Variants in CCSER2 observed in about 807,000 individuals in gnomAD.
CCSER2 encodes serine-rich coiled-coil domain-containing protein 2.
CCSER2 carries 46 observed loss-of-function variants against 92.3 expected under a neutral mutation model. The ratio of observed to expected loss-of-function variants is 0.50; its 90% CI spans 0.39 to 0.64. The LOEUF (loss-of-function observed/expected upper bound fraction) is 0.64. Ranked by LOEUF, CCSER2 falls within the 30% of genes least tolerant of loss-of-function variation. The pLI is 0.00. For synonymous variants in CCSER2, 433 were observed against 431.4 expected, an observed-to-expected ratio of 1.00 and a Z score of -0.04; for missense variants, 1,244 against 1,238.9, an observed-to-expected ratio of 1.00 and a Z score of -0.06.
intron 6 of CCSER2, among the ~76,000 whole-genome samples, chr10:84,461,531 T>C (rs909790850): frequency 6.6e-6 from 1 of 152,172 alleles, no homozygotes; most frequent in Non-Finnish European, 1.5e-5. Context: ...TAATTTTTGT[T>C]GATCACTCTT....
At chr10:84,372,529 A>G (rs540535048) in intron 2 of CCSER2, 60 bp downstream of exon 2, 17 of 956,054 alleles carry the variant, frequency 1.8e-5, no homozygotes, top group African/African-American at 1.6e-4. Flanking sequence ...CTGAACTTAC[A>G]TTTAGGATTA....
At chr10:84,444,632 A>T (rs988838612) in intron 6 of CCSER2, among the ~76,000 whole-genome samples, 3 of 152,144 alleles carry the variant, frequency 2.0e-5, no homozygotes, top group Non-Finnish European at 4.4e-5. Context: ...GGGAGAAGAG[A>T]GTGTGAAGGA....
In CCSER2 at chr10:84,417,847, C is replaced by T. The variant is rs201743744; in HGVS notation, c.1691C>T (p.Ala564Val). Residue 564 changes from alanine (A) to valine (V), a missense_variant, in exon 4 of 10, where the codon GCA becomes GTA. By Grantham distance (64) the Ala-to-Val change is moderately conservative. Coordinates refer to ENST00000372088, the MANE Select transcript of CCSER2 (RefSeq NM_001284240.2). ...LMLDVDLPED[A>V]PLENVECDNM... is the part of the protein sequence containing the mutation. Reference sequence around the variant, plus strand: ...CTTGATGTGGATCTGCCTGAGGATGCACCTCTTGAAAATGGTAAGTTGAGA... The same window carrying T: ...CTTGATGTGGATCTGCCTGAGGATGTACCTCTTGAAAATGGTAAGTTGAGA... 1.9e-6 allele frequency: 3 copies of T among 1,560,732 alleles called. No homozygotes were observed. The highest frequency in any genetic ancestry group is 3.3e-5 in the Admixed American group (2 of 59,964).
intron 7 of CCSER2, among the ~76,000 whole-genome samples, chr10:84,465,067 T>C (rs1216500660): frequency 6.6e-6 from 1 of 152,064 alleles, no homozygotes; most frequent in African/African-American, 2.4e-5. Context: ...TGAGCTTTCA[T>C]CCTACTCTCA....
At chr10:84,397,323 A>G (rs905628685) in intron 3 of CCSER2, among the ~76,000 whole-genome samples, 3 of 152,194 alleles carry the variant, frequency 2.0e-5, no homozygotes, top group African/African-American at 7.2e-5. Context: ...AAACAGAACA[A>G]AAAGAAAAGC....
intron 1 of CCSER2, among the ~76,000 whole-genome samples, chr10:84,366,088 C>G (rs565784825): frequency 4.1e-4 from 63 of 152,122 alleles, no homozygotes; most frequent in Non-Finnish European, 6.5e-4. Flanking sequence ...CCTCAGCATC[C>G]TTTTTGTTTT....
chr10:84,416,706 A>T (rs942621005), intron 3 of CCSER2, among the ~76,000 whole-genome samples: 1 of 152,138 alleles, frequency 6.6e-6, no homozygotes, highest in African/African-American at 2.4e-5. Context: ...AGGCAGGCAG[A>T]TCATGAGGTC....
At chr10:84,328,861 G>C (rs912230445) in intron 1 of CCSER2, 53 bp downstream of exon 1, 1 of 152,196 alleles carries the variant, frequency 6.6e-6, no homozygotes, top group African/African-American at 2.4e-5. Context: ...GCGGGCGCCG[G>C]GGGCAGCCCA....
chr10:84,367,571 G>A (rs576384406), intron 1 of CCSER2, among the ~76,000 whole-genome samples: 1 of 151,802 alleles, frequency 6.6e-6, no homozygotes, highest in South Asian at 2.1e-4. Flanking sequence ...TAGAGATGAG[G>A]TTTTGCCATG....
chr10:84,377,455 G>C (rs1846399105), intron 3 of CCSER2, among the ~76,000 whole-genome samples: 1 of 152,150 alleles, frequency 6.6e-6, no homozygotes, highest in Admixed American at 6.5e-5. Flanking sequence ...TCATAAATCA[G>C]TGACTGCATA....
chr10:84,436,677 GC>G (rs1844177782), intron 5 of CCSER2, among the ~76,000 whole-genome samples: 1 of 151,896 alleles, frequency 6.6e-6, no homozygotes, highest in South Asian at 2.1e-4. Flanking sequence ...ACTGCGGGAG[GC>G]AGGTGTGTTG....
At chr10:84,392,071 A>C (rs1414718181) in intron 3 of CCSER2, 7 of 928,126 alleles carry the variant, frequency 7.5e-6, no homozygotes, top group Non-Finnish European at 1.2e-5. Context: ...TGCAGTCCCA[A>C]AATTAGGGGT....
intron 7 of CCSER2, among the ~76,000 whole-genome samples, chr10:84,465,779 C>T (rs1298834548): frequency 6.6e-6 from 1 of 151,076 alleles, no homozygotes; most frequent in Non-Finnish European, 1.5e-5. Context: ...GAGATGGAGT[C>T]TTGCTCTGTT....
At chr10:84,373,211 A>G (rs1846160714) in intron 2 of CCSER2, among the ~76,000 whole-genome samples, 1 of 152,116 alleles carries the variant, frequency 6.6e-6, no homozygotes, top group South Asian at 2.1e-4. Flanking sequence ...CTGCCGGAAC[A>G]AGTTTATTTC....
At chr10:84,504,579 C>G (rs568729373) in intron 9 of CCSER2, among the ~76,000 whole-genome samples, 12 of 152,248 alleles carry the variant, frequency 7.9e-5, no homozygotes, top group African/African-American at 2.6e-4. Context: ...TCTTGAAATT[C>G]ATACAGTTGG....
intron 6 of CCSER2, among the ~76,000 whole-genome samples, chr10:84,442,680 C>G (rs796698091): frequency 3.3e-5 from 5 of 152,264 alleles, no homozygotes; most frequent in African/African-American, 1.2e-4. Context: ...ATCCAGTGAT[C>G]AGTTAATTAA....
At chr10:84,453,377 AT>A (rs1253652983) in intron 6 of CCSER2, among the ~76,000 whole-genome samples, 2 of 152,190 alleles carry the variant, frequency 1.3e-5, no homozygotes, top group Non-Finnish European at 2.9e-5. Flanking sequence ...AAGACACAAA[AT>A]TGAGGCTATT....
chr10:84,386,664 G>C lies in CCSER2; in HGVS notation c.1614+12849G>C, dbSNP rs375749475. Among the ~76,000 whole-genome samples the C allele has an allele frequency of 9.8e-5, 15 of 152,342 alleles. No homozygotes were observed. The South Asian group carries it at 3.1e-3, about 32-fold the overall frequency. On this transcript the variant is annotated intron_variant, in intron 3 of 9. Transcript: ENST00000372088. The stretch of plus-strand genomic sequence containing the variant: ...AACCCAGGCAGAGGCTGCAATGGCG[G>C]AGGCTGCGGTGCGCTGAGATTATGT...
chr10:84,504,650 T>TTA (rs1848950999), intron 9 of CCSER2, among the ~76,000 whole-genome samples: 1 of 152,226 alleles, frequency 6.6e-6, no homozygotes, highest in Non-Finnish European at 1.5e-5. Context: ...TAGGAAACTC[T>TTA]TATGTATATT....
Sources: allele counts gnomAD v4.1 joint callset (sites outside exome capture counted in the v4.1 genomes callset), GRCh38; gene constraint gnomAD v4.1.1; transcripts MANE v1.5; gene names NCBI Gene and HGNC (gene_info 2026-07-23, HGNC 2026-07-21).